PLXND1: variants seen among roughly 807,000 people sequenced by gnomAD.
PLXND1 encodes the protein plexin-D1.
A neutral mutation model predicts 197.7 loss-of-function variants in PLXND1; 54 were observed. That is an observed-to-expected ratio of 0.27 (90% CI 0.22 to 0.34). PLXND1 has a LOEUF of 0.34. Among genes scored for constraint, PLXND1 ranks in the 10% least tolerant of loss-of-function variants. The pLI, the probability that PLXND1 is intolerant of heterozygous loss-of-function variation, is 1.00. For synonymous variants in PLXND1, 1,180 were observed against 1,161.2 expected (o/e 1.02, Z -0.33); for missense variants, 2,127 against 2,699.2 (o/e 0.79, Z 4.70).
chr3:129,576,706 C>T (rs1578331056), intron 9 of PLXND1, among the ~76,000 whole-genome samples: 3 of 152,204 alleles, frequency 2.0e-5, no homozygotes, highest in African/African-American at 7.2e-5. Context: ...TTCTCTGAGG[C>T]TTGGTTTTCC....
At position 129,569,708 on chromosome 3, in the gene PLXND1, C is replaced by G. The variant is rs921377717; in HGVS notation, c.3865+135G>C. On this transcript the variant is annotated intron_variant, in intron 20 of 35. Transcript: ENST00000324093. The stretch of plus-strand genomic sequence containing the variant: ...CTCCCCCAACCTCTGGGTGCCTAAC[C>G]TGTTCCCATGGCCAAGCCTTTGTTC... 7 of 642,752 alleles carry G rather than the reference C, an allele frequency of 1.1e-5. No individual in the cohort carries two copies. In the African/African-American group the frequency reaches 1.2e-4, roughly 11 times the overall value. 39.8% of individuals were successfully genotyped at this position (642,752 alleles called of 1,614,324 possible). A position where few individuals can be genotyped will look rare whatever the true frequency, so the allele number is the denominator to read the frequency against.
At position 129,606,224 on chromosome 3, in the gene PLXND1, A is replaced by T. The variant is rs2085791787; in HGVS notation, c.416T>A (p.Val139Glu). 1 of 1,580,254 alleles carries T rather than the reference A, an allele frequency of 6.3e-7. No homozygotes were observed. The highest frequency in any genetic ancestry group is 8.6e-7 in the Non-Finnish European group (1 of 1,167,560). Residue 139 changes from valine (V) to glutamate (E), a missense_variant, in exon 1 of 36, where the codon GTG becomes GAG. Val to Glu is a moderately radical substitution (Grantham distance 121). Coordinates refer to ENST00000324093, the MANE Select transcript of PLXND1 (RefSeq NM_015103.3). Reference protein sequence around the residue: ...QLDPGQGLVVVCGSIYQGFCQ... With the variant: ...QLDPGQGLVVECGSIYQGFCQ... Reference sequence around the variant, plus strand: ...GAAGCCCTGGTAGATGGACCCGCACACGACTACCAGGCCCTGGCCGGGGTC... The same window carrying T: ...GAAGCCCTGGTAGATGGACCCGCACTCGACTACCAGGCCCTGGCCGGGGTC...
At position 129,561,815 on chromosome 3, in the gene PLXND1, C is replaced by G. The variant is rs747272908; in HGVS notation, c.4914G>C (p.Thr1638=). 1 of 1,612,664 alleles carries G rather than the reference C, an allele frequency of 6.2e-7. No individual in the cohort carries two copies. The highest frequency in any genetic ancestry group is 2.2e-5 in the East Asian group (1 of 44,860). Residue 1638 remains threonine (T), a synonymous_variant, in exon 28 of 36, where the codon ACG becomes ACC. Coordinates refer to ENST00000324093, the MANE Select transcript of PLXND1 (RefSeq NM_015103.3). ...VVEDGRKKLN[T]LAHYKIPEGA... is the part of the protein sequence containing the mutation. ...AGGGCTGCACCTTGTAATGGGCCAG[C>G]GTGTTAAGCTTCTTGCGGCCGTCTT...
At chr3:129,592,078 C>T (rs535805253) in intron 1 of PLXND1, among the ~76,000 whole-genome samples, 7 of 152,318 alleles carry the variant, frequency 4.6e-5, no homozygotes, top group East Asian at 3.9e-4. Context: ...CTGGCCTGGC[C>T]GCTCCCTCTG....
Position 129,586,031 on chromosome 3 carries a change from G to A in PLXND1, c.1772C>T (p.Thr591Ile). The change falls in exon 5 of 36, where the codon ACC becomes ATC. Residue 591 changes from threonine (T) to isoleucine (I), a missense_variant. Thr to Ile is a moderately conservative substitution (Grantham distance 89). Coordinates refer to ENST00000324093, the MANE Select transcript of PLXND1 (RefSeq NM_015103.3). The stretch of plus-strand genomic sequence containing the variant: ...GCGGCTGGGGCCCTCGCTGGCACTG[G>A]TCCAGAAATGCTGCTGGCTGGAATT... The part of the protein sequence containing the change: ...CTNSSQQHFW[T>I]SASEGPSRCP... 5 of 1,614,032 alleles carry A rather than the reference G, an allele frequency of 3.1e-6. No individual in the cohort carries two copies. Among genetic ancestry groups the A allele is most frequent in the Non-Finnish European group, 4.2e-6 (5 of 1,180,022 alleles).
At chr3:129,573,847 C>T (rs2085272811) in intron 12 of PLXND1, 102 bp from the exon 13 acceptor site, 1 of 1,304,496 alleles carries the variant, frequency 7.7e-7, no homozygotes, top group Admixed American at 2.1e-5. Flanking sequence ...GCCGTGCAGA[C>T]CCACTGCTTA....
intron 8 of PLXND1, among the ~76,000 whole-genome samples, chr3:129,580,358 A>T (rs554173817): frequency 6.6e-5 from 10 of 152,296 alleles, no homozygotes; most frequent in African/African-American, 2.2e-4. Context: ...AGACGGAGTC[A>T]GCGGCGGGCC....
In PLXND1 at chr3:129,605,665, G is replaced by A. The variant is rs1052527824; in HGVS notation, c.975C>T (p.His325=). 5 of 1,537,314 alleles carry A rather than the reference G, an allele frequency of 3.3e-6. No homozygotes were observed. Among genetic ancestry groups the A allele is most frequent in the Non-Finnish European group, 4.4e-6 (5 of 1,145,270 alleles). The change falls in exon 1 of 36, where the codon CAC becomes CAT. Residue 325 remains histidine, a synonymous_variant. Transcript: ENST00000324093. ...GCTTCTTGGCGTCGCCGCCGGCGCC[G>A]TGGGGCAGGCAGATGCGCGCCAGCA... The part of the protein sequence containing the change: ...RSLLARICLP[H]GAGGDAKKLT...
rs1225867458 is a variant in PLXND1 at position 129,555,785 on chromosome 3, G to C, written c.*527C>G. On this transcript the variant is annotated 3_prime_UTR_variant, in exon 36 of 36. Transcript: ENST00000324093. ...AAGCAACAAAAATCTGACACTACTT[G>C]AAACTGTCTGTGGCCAGGATCCTCT... The C allele has an allele frequency of 1.3e-5, 6 of 456,902 alleles. No individual in the cohort carries two copies. The highest frequency in any genetic ancestry group is 2.3e-5 in the Non-Finnish European group (6 of 260,968). 28.3% of individuals were successfully genotyped at this position (456,902 alleles called of 1,614,324 possible). A position where few individuals can be genotyped will look rare whatever the true frequency, so the allele number is the denominator to read the frequency against.
rs201304589 is a variant in PLXND1 at position 129,557,033 on chromosome 3, C to A, written c.5586+50G>T. 2 of 1,601,034 alleles carry A rather than the reference C, an allele frequency of 1.2e-6. No homozygotes were observed. The highest frequency in any genetic ancestry group is 1.7e-6 in the Non-Finnish European group (2 of 1,174,416). ...GCATTGAGGCCCAGCCCCCGACCCC[C>A]GATCCCTCAGCTCTTCAGGCCCCCA... On this transcript the variant is annotated intron_variant, in intron 34 of 35. Coordinates refer to ENST00000324093, the MANE Select transcript of PLXND1 (RefSeq NM_015103.3). The surrounding 1 kb of genome is among the most constrained non-coding windows in gnomAD (Gnocchi z 4.8).
Position 129,560,439 on chromosome 3 carries a change from G to C in PLXND1, c.5029-5C>G, listed in dbSNP as rs373899940. On this transcript the variant is annotated splice_region_variant and splice_polypyrimidine_tract_variant and intron_variant, in intron 30 of 35. Transcript: ENST00000324093. ...CAGCTCGTCCGTAGGCAGCACCTGG[G>C]AGGCCGGGCAGTGGTCAGTGTCCGC... The C allele has an allele frequency of 3.6e-5, 58 of 1,605,278 alleles. No individual in the cohort carries two copies. Among genetic ancestry groups the C allele is most frequent in the Admixed American group, 2.2e-4 (13 of 59,942 alleles).
At position 129,558,796 on chromosome 3, in the gene PLXND1, G is replaced by A; in HGVS notation, c.5298-221C>T. On this transcript the variant is annotated intron_variant, in intron 32 of 35. Transcript: ENST00000324093. The surrounding 1 kb of genome is among the most constrained non-coding windows in gnomAD (Gnocchi z 4.1). ...CTGCTGGAGCAAGGCAGGAGCTACA[G>A]GGCTTAGCTGTACCCCCCAACCCCC... is the stretch of plus-strand genomic sequence containing the variant. 1.9e-6 allele frequency: 1 copy of A among 535,840 alleles called. No homozygotes were observed. 33.2% of individuals were successfully genotyped at this position (535,840 alleles called of 1,614,324 possible).
rs570956696 is a variant in PLXND1, at chr3:129,606,641, C to T, written c.-2G>A. ...GCCGCCCGCGGCGCGAGGAGCCATC[C>T]GGGCGTGCGCGGGCTGCGCGGCGCG... On this transcript the variant is annotated 5_prime_UTR_variant, in exon 1 of 36. Coordinates refer to ENST00000324093, the MANE Select transcript of PLXND1 (RefSeq NM_015103.3). The T allele has an allele frequency of 3.0e-6, 3 of 1,011,616 alleles. No homozygotes were observed. Among genetic ancestry groups the T allele is most frequent in the East Asian group, 9.3e-5 (1 of 10,772 alleles). The allele number at this position is 1,011,616 out of a possible 1,614,324, so 62.7% of individuals were successfully genotyped here. A position where few individuals can be genotyped will look rare whatever the true frequency, so the allele number is the denominator to read the frequency against.
At chr3:129,574,530 G>A (rs1337441840) in intron 11 of PLXND1, 40 bp from the exon 12 acceptor site, 4 of 1,592,210 alleles carry the variant, frequency 2.5e-6, no homozygotes, top group African/African-American at 1.3e-5. Flanking sequence ...CCCGCTCTGC[G>A]GTGCATGCCC....
chr3:129,556,208 C>G lies in PLXND1; in HGVS notation c.*104G>C. The G allele has an allele frequency of 2.4e-6, 2 of 824,664 alleles. No homozygotes were observed. The highest frequency in any genetic ancestry group is 4.1e-6 in the Non-Finnish European group (2 of 485,940). The allele number at this position is 824,664 out of a possible 1,614,324, so 51.1% of individuals were successfully genotyped here. ...TGCCCCCGCCCCAGCCGTCTCTGCT[C>G]AGTATTTCCCAGTCTGAGTCACAGG... is the stretch of plus-strand genomic sequence containing the variant. On this transcript the variant is annotated 3_prime_UTR_variant, in exon 36 of 36. Transcript: ENST00000324093.
At chr3:129,605,243 G>C (rs1052979453) in intron 1 of PLXND1, 86 bp downstream of exon 1, 1 of 565,530 alleles carries the variant, frequency 1.8e-6, no homozygotes, top group Non-Finnish European at 2.6e-6. Flanking sequence ...GACCCACTCA[G>C]CTCACGACCC....
rs2085800170 is a variant in PLXND1, at chr3:129,606,614, GCGCCGCCCGCGGCGCGA to G, written c.9_25del (p.Arg4ThrfsTer3). ...GGCGGCGGCCCGGGCGCTAAGGGGT[GCGCCGCCCGCGGCGCGA>G]GGAGCCATCCGGGCGTGCGCGGGCT... is the stretch of plus-strand genomic sequence containing the variant. On this transcript the variant is annotated frameshift_variant, in exon 1 of 36. Coordinates refer to ENST00000324093, the MANE Select transcript of PLXND1 (RefSeq NM_015103.3). LOFTEE classifies it high-confidence loss of function. 8.6e-7 allele frequency: 1 copy of G among 1,159,400 alleles called. No individual in the cohort carries two copies. The highest frequency in any genetic ancestry group is 1.1e-6 in the Non-Finnish European group (1 of 942,138). The allele number at this position is 1,159,400 out of a possible 1,614,324, so 71.8% of individuals were successfully genotyped here.
In PLXND1 at chr3:129,562,794, G is replaced by A. The variant is rs771770604; in HGVS notation, c.4818C>T (p.Val1606=). 6 of 1,595,172 alleles carry A rather than the reference G, an allele frequency of 3.8e-6. No homozygotes were observed. In the African/African-American group the frequency reaches 4.0e-5, roughly 11 times the overall value. The change falls in exon 27 of 36, where the codon GTC becomes GTT. Residue 1606 remains valine, a synonymous_variant. Transcript: ENST00000324093. The part of the protein sequence containing the change: ...PYSQWPRAED[V]DLEWFASSTQ... ...GCCCCCATTCCCACCCACCAAGGTC[G>A]ACGTCCTCTGCACGCGGCCACTGGG... is the stretch of plus-strand genomic sequence containing the variant.
At chr3:129,584,099 G>T in intron 7 of PLXND1, 26 bp downstream of exon 7, 1 of 1,471,580 alleles carries the variant, frequency 6.8e-7, no homozygotes, top group Non-Finnish European at 9.3e-7. Flanking sequence ...TCCACCAACT[G>T]GAGGCAAGCC....
Sources: gnomAD v4.1 joint callset for allele counts (sites outside exome capture counted in the v4.1 genomes callset) on GRCh38, gnomAD v4.1.1 for gene constraint, Gnocchi (gnomAD v3.1) non-coding constraint, MANE v1.5 for transcripts, NCBI Gene and HGNC (gene_info 2026-07-23, HGNC 2026-07-21) for gene names.